The following LRPPRC variants were observed in gnomAD, a reference collection of about 807,000 sequenced individuals.
The protein encoded by LRPPRC is leucine rich pentatricopeptide repeat containing.
Under a neutral mutation model 180.3 loss-of-function variants are expected in LRPPRC, and 120 were observed. The ratio of observed to expected loss-of-function variants is 0.67; its 90% CI spans 0.57 to 0.77. LRPPRC has a LOEUF of 0.77. LRPPRC is among the 30% of genes least tolerant of loss of function. The pLI is 0.00. For missense variants in LRPPRC, 2,012 were observed against 1,657.2 expected, an observed-to-expected ratio of 1.21 and a Z score of -3.72; for synonymous variants, 723 against 600.0, an observed-to-expected ratio of 1.21 and a Z score of -3.00.
At chr2:43,988,638 G>C (rs1452873625) in intron 1 of LRPPRC, among the ~76,000 whole-genome samples, 1 of 152,058 alleles carries the variant, frequency 6.6e-6, no homozygotes, top group Non-Finnish European at 1.5e-5. Context: ...TGTTTTTTGA[G>C]ATGGAGTCTC....
At chr2:43,973,238 C>T (rs1189604037) in intron 11 of LRPPRC, among the ~76,000 whole-genome samples, 2 of 152,064 alleles carry the variant, frequency 1.3e-5, no homozygotes, top group Non-Finnish European at 2.9e-5. Flanking sequence ...TTTTTGTTTT[C>T]ATGAACCTAA....
At chr2:43,993,611 A>G (rs1572594844) in intron 1 of LRPPRC, among the ~76,000 whole-genome samples, 1 of 151,968 alleles carries the variant, frequency 6.6e-6, no homozygotes, top group African/African-American at 2.4e-5. Context: ...CGGGTAGGAG[A>G]CTATATACAG....
At chr2:43,906,092 G>T (rs903097656) in intron 30 of LRPPRC, among the ~76,000 whole-genome samples, 1 of 151,734 alleles carries the variant, frequency 6.6e-6, no homozygotes, top group African/African-American at 2.4e-5. Context: ...TGCGTGCCCC[G>T]CATTGTTCTG....
Position 43,918,093 on chromosome 2 carries a change from G to A in LRPPRC, c.3080C>T (p.Ser1027Leu). ...GAAATCAGGTTCTGTGGTTGAGGCT[G>A]ACGAAGAATTCAGGGAATGTTTTTC... Reference protein sequence around the residue: ...EDEKHSLNSSSASTTEPDFQK... With the variant: ...EDEKHSLNSSLASTTEPDFQK... Residue 1027 changes from serine (S) to leucine (L), a missense_variant, in exon 29 of 38, where the codon TCA (serine) becomes TTA (leucine). Ser to Leu is a moderately radical substitution (Grantham distance 145). Coordinates refer to ENST00000260665, the MANE Select transcript of LRPPRC (RefSeq NM_133259.4). The A allele has an allele frequency of 1.2e-6, 2 of 1,613,748 alleles. No individual in the cohort carries two copies. Among genetic ancestry groups the A allele is most frequent in the East Asian group, 2.2e-5 (1 of 44,850 alleles).
intron 5 of LRPPRC, among the ~76,000 whole-genome samples, chr2:43,976,661 A>T (rs1046523990): frequency 6.6e-6 from 1 of 152,006 alleles, no homozygotes; most frequent in African/African-American, 2.4e-5. Context: ...CCAGTTTTAT[A>T]AATGAATACA....
chr2:43,990,841 T>C (rs973246943), intron 1 of LRPPRC, among the ~76,000 whole-genome samples: 1 of 50,676 alleles, frequency 2.0e-5, no homozygotes, highest in Non-Finnish European at 3.6e-5. Flanking sequence ...CCCATCAGGT[T>C]CTTTTTTTTT....
intron 35 of LRPPRC, 84 bp downstream of exon 35, chr2:43,896,550 A>C: frequency 1.1e-6 from 1 of 910,600 alleles, no homozygotes. Context: ...AGGTCCTGAA[A>C]CAACAGGCTT....
intron 30 of LRPPRC, among the ~76,000 whole-genome samples, chr2:43,910,060 T>C (rs1671202085): frequency 6.6e-6 from 1 of 152,168 alleles, no homozygotes; most frequent in Admixed American, 6.5e-5. Context: ...TACTTTGAAA[T>C]AGTCTATACT....
At chr2:43,931,684 AGAGAGACCT>A (rs1279375895) in intron 25 of LRPPRC, among the ~76,000 whole-genome samples, 1 of 151,718 alleles carries the variant, frequency 6.6e-6, no homozygotes, top group Non-Finnish European at 1.5e-5. Flanking sequence ...TAAATGACGG[AGAGAGACCT>A]GAGTTAACAG....
intron 23 of LRPPRC, among the ~76,000 whole-genome samples, chr2:43,940,394 G>C (rs1672435726): frequency 6.6e-6 from 1 of 152,164 alleles, no homozygotes; most frequent in Admixed American, 6.5e-5. Flanking sequence ...ATATTAAAGT[G>C]TTACAGTGAG....
chr2:43,944,396 C>T (rs937159942), intron 22 of LRPPRC, among the ~76,000 whole-genome samples: 3 of 152,036 alleles, frequency 2.0e-5, no homozygotes, highest in Non-Finnish European at 4.4e-5. Context: ...CATGTTAATA[C>T]ATTAGATTCA....
intron 14 of LRPPRC, among the ~76,000 whole-genome samples, chr2:43,953,057 C>G (rs1024685472): frequency 4.6e-5 from 7 of 152,190 alleles, no homozygotes; most frequent in Non-Finnish European, 1.0e-4. Flanking sequence ...TACACTTCCC[C>G]AGAACCACTG....
chr2:43,948,858 T>A (rs1037991902), intron 16 of LRPPRC, among the ~76,000 whole-genome samples: 4 of 152,258 alleles, frequency 2.6e-5, no homozygotes, highest in Admixed American at 2.6e-4. Flanking sequence ...AATAAATAAA[T>A]GTCTTGTACA....
intron 7 of LRPPRC, 59 bp downstream of exon 7, chr2:43,975,032 A>G: frequency 6.4e-7 from 1 of 1,569,236 alleles, no homozygotes; most frequent in Non-Finnish European, 8.7e-7. Flanking sequence ...CTCATGTAAA[A>G]CATAACACAA....
intron 27 of LRPPRC, among the ~76,000 whole-genome samples, chr2:43,922,658 C>A (rs1671739842): frequency 6.6e-6 from 1 of 152,128 alleles, no homozygotes; most frequent in African/African-American, 2.4e-5. Context: ...ACTGGGAAGG[C>A]TGAGGCAAGA....
rs1202724045 is a variant in LRPPRC at position 43,888,137 on chromosome 2, CAA to C, written c.*461_*462del. On this transcript the variant is annotated 3_prime_UTR_variant, in exon 38 of 38. Coordinates refer to ENST00000260665, the MANE Select transcript of LRPPRC (RefSeq NM_133259.4). ...GATGACTCCTAGTGCCAACATTTAACAAAGTTCGAAAGTTATGCAGGACTTCA... is the reference window on the plus strand; with the variant it reads ...GATGACTCCTAGTGCCAACATTTAACAGTTCGAAAGTTATGCAGGACTTCA... 2 of 182,730 alleles carry C rather than the reference CAA, an allele frequency of 1.1e-5. No individual in the cohort carries two copies. Among genetic ancestry groups the C allele is most frequent in the African/African-American group, 4.8e-5 (2 of 41,712 alleles). 11.3% of individuals were successfully genotyped at this position (182,730 alleles called of 1,614,324 possible).
chr2:43,992,357 G>C (rs1375045880), intron 1 of LRPPRC, among the ~76,000 whole-genome samples: 4 of 152,202 alleles, frequency 2.6e-5, no homozygotes, highest in African/African-American at 9.6e-5. Flanking sequence ...AGGCAATCAT[G>C]CTCACTAGAG....
intron 1 of LRPPRC, among the ~76,000 whole-genome samples, chr2:43,991,776 A>T (rs1051403315): frequency 3.9e-5 from 6 of 152,204 alleles, no homozygotes; most frequent in Admixed American, 2.6e-4. Context: ...TTGAAAACAG[A>T]TTACTAATGT....
At chr2:43,966,688 A>G (rs925599401) in intron 11 of LRPPRC, among the ~76,000 whole-genome samples, 8 of 150,876 alleles carry the variant, frequency 5.3e-5, no homozygotes, top group Non-Finnish European at 1.2e-4. Context: ...GATTACAGGC[A>G]TGAGCCACCA....
Sources: gnomAD v4.1 joint callset for allele counts (sites outside exome capture counted in the v4.1 genomes callset) on GRCh38, gnomAD v4.1.1 for gene constraint, MANE v1.5 for transcripts, NCBI Gene and HGNC (gene_info 2026-07-23, HGNC 2026-07-21) for gene names.